Variants in CLPB observed in about 807,000 individuals in gnomAD.
CLPB encodes the protein mitochondrial disaggregase.
Under a neutral mutation model 78.4 loss-of-function variants are expected in CLPB, and 40 were observed. That is an observed-to-expected ratio of 0.51 (90% confidence interval 0.40 to 0.66). CLPB has a LOEUF of 0.66. CLPB is among the 30% of genes least tolerant of loss of function. The pLI is 0.00. For synonymous variants in CLPB, 333 were observed against 348.0 expected, an observed-to-expected ratio of 0.96 and a Z score of 0.48; for missense variants, 780 against 886.9, an observed-to-expected ratio of 0.88 and a Z score of 1.53.
chr11:72,381,190 C>T (rs971195296), intron 3 of CLPB, among the ~76,000 whole-genome samples: 9 of 152,182 alleles, frequency 5.9e-5, no homozygotes, highest in African/African-American at 9.7e-5. Context: ...CACCCCTCCC[C>T]GAACTCCAGG....
chr11:72,388,250 CTTT>C (rs60096746), intron 3 of CLPB, among the ~76,000 whole-genome samples: 8 of 138,058 alleles, frequency 5.8e-5, no homozygotes, highest in African/African-American at 5.5e-5. Flanking sequence ...TTCCCTTCCC[CTTT>C]TTTTTTTTTT....
intron 5 of CLPB, among the ~76,000 whole-genome samples, chr11:72,337,983 C>T (rs776827418): frequency 3.9e-5 from 6 of 152,200 alleles, no homozygotes; most frequent in Non-Finnish European, 7.3e-5. Context: ...CCCCAGTGGA[C>T]ATGCTCTGAT....
intron 3 of CLPB, 128 bp from the exon 4 acceptor site, chr11:72,380,512 A>C: frequency 1.4e-6 from 1 of 706,782 alleles, no homozygotes; most frequent in Non-Finnish European, 2.5e-6. Context: ...TGGGAAAAAA[A>C]CCATGAACTT....
At chr11:72,361,560 C>A (rs529829985) in intron 4 of CLPB, among the ~76,000 whole-genome samples, 3 of 152,204 alleles carry the variant, frequency 2.0e-5, no homozygotes, top group South Asian at 2.1e-4. Context: ...ACTGGCCAGG[C>A]AGGCAGGGAA....
rs1398603743 is a variant in CLPB, at chr11:72,286,759, C to T, written c.*6608G>A. The T allele has an allele frequency of 1.3e-5, 2 of 152,096 alleles. No homozygotes were observed. The highest frequency in any genetic ancestry group is 2.9e-5 in the Non-Finnish European group (2 of 68,134). 9.4% of individuals were successfully genotyped at this position (152,096 alleles called of 1,614,324 possible). A position where few individuals can be genotyped will look rare whatever the true frequency, so the allele number is the denominator to read the frequency against. On this transcript the variant is annotated 3_prime_UTR_variant, in exon 16 of 16. Transcript: ENST00000538039. Reference sequence around the variant, plus strand: ...AAGTGTTGGAATTACAGGTGTGAGCCACCATGCCTTGCCAACACCTTACTT... The same window carrying T: ...AAGTGTTGGAATTACAGGTGTGAGCTACCATGCCTTGCCAACACCTTACTT...
chr11:72,422,138 G>A (rs893312623), intron 2 of CLPB, among the ~76,000 whole-genome samples: 1 of 151,942 alleles, frequency 6.6e-6, no homozygotes, highest in Non-Finnish European at 1.5e-5. Flanking sequence ...GTGGTGGCGG[G>A]CGCCTGTAGT....
chr11:72,403,094 A>G, intron 2 of CLPB, 42 bp from the exon 3 acceptor site: 2 of 1,560,628 alleles, frequency 1.3e-6, no homozygotes, highest in Admixed American at 1.7e-5. Flanking sequence ...ATGGCTTGAC[A>G]TCTGCACCTT....
intron 1 of CLPB, among the ~76,000 whole-genome samples, chr11:72,432,265 A>C (rs780231391): frequency 1.9e-4 from 29 of 152,202 alleles, no homozygotes; most frequent in Non-Finnish European, 3.8e-4. Context: ...CTGAGCACCT[A>C]CTAAGTTCCA....
rs541111169 is a variant in CLPB at position 72,340,556 on chromosome 11, T to C, written c.776-10752A>G. Among the ~76,000 whole-genome samples, 47 of 152,328 alleles carry C rather than the reference T, an allele frequency of 3.1e-4. No individual in the cohort carries two copies. The South Asian group carries it at 9.3e-3, about 30-fold the overall frequency. ...AAGCTACAGACATTCAGCCAGTCCC[T>C]CTTACGCCTGAAGGCAAGTTCAATG... On this transcript the variant is annotated intron_variant, in intron 5 of 15. Transcript: ENST00000538039.
chr11:72,329,581 A>T, intron 6 of CLPB, 126 bp downstream of exon 6: 1 of 613,798 alleles, frequency 1.6e-6, no homozygotes, highest in Non-Finnish European at 2.9e-6. Context: ...TAATATCTGT[A>T]TTTAAACAGA....
chr11:72,387,568 CT>C (rs995182481), intron 3 of CLPB, among the ~76,000 whole-genome samples: 1 of 152,050 alleles, frequency 6.6e-6, no homozygotes, highest in African/African-American at 2.4e-5. Flanking sequence ...GACTACACCT[CT>C]GGGCCTTCAT....
intron 5 of CLPB, among the ~76,000 whole-genome samples, chr11:72,333,780 T>C (rs1342584883): frequency 6.6e-6 from 1 of 152,164 alleles, no homozygotes; most frequent in Non-Finnish European, 1.5e-5. Flanking sequence ...AGTTGCTTTC[T>C]CTGGCGCTCA....
chr11:72,366,293 CA>C (rs1291254860), intron 4 of CLPB, among the ~76,000 whole-genome samples: 1 of 152,176 alleles, frequency 6.6e-6, no homozygotes, highest in African/African-American at 2.4e-5. Context: ...TGGCTCACTG[CA>C]ACTTCCGCCT....
chr11:72,354,629 C>G (rs1950674820), intron 5 of CLPB: 5 of 328,714 alleles, frequency 1.5e-5, no homozygotes, highest in Non-Finnish European at 2.7e-5. Context: ...CACCTGCATT[C>G]AAGTGCTGAA....
chr11:72,303,697 C>T lies in CLPB; in HGVS notation c.1123-1349G>A, dbSNP rs1949699200. On this transcript the variant is annotated intron_variant, in intron 9 of 15. Transcript: ENST00000538039. ...ATGGGGCATAAGCCAGAAAGCATTT[C>T]CAGAGGGTCCCTAGGCTGCTCAGTC... Among the ~76,000 whole-genome samples, 6 of 152,308 alleles carry T rather than the reference C, an allele frequency of 3.9e-5. No individual in the cohort carries two copies. The South Asian group carries it at 8.3e-4, about 21-fold the overall frequency.
chr11:72,430,645 G>A (rs1444101963), intron 1 of CLPB, among the ~76,000 whole-genome samples: 2 of 152,150 alleles, frequency 1.3e-5, no homozygotes, highest in Non-Finnish European at 2.9e-5. Context: ...CTTGCCTATG[G>A]TAAATAATGT....
At chr11:72,360,562 G>A (rs1359785815) in intron 4 of CLPB, among the ~76,000 whole-genome samples, 9 of 151,770 alleles carry the variant, frequency 5.9e-5, no homozygotes, top group Non-Finnish European at 1.2e-4. Context: ...TTAGCCTCCC[G>A]AGTAGCTGGG....
At chr11:72,342,343 A>G (rs1361204876) in intron 5 of CLPB, among the ~76,000 whole-genome samples, 1 of 151,896 alleles carries the variant, frequency 6.6e-6, no homozygotes, top group Non-Finnish European at 1.5e-5. Context: ...AAAAGCAAAA[A>G]CTCCTGCCAA....
chr11:72,288,585 AT>A lies in CLPB; in HGVS notation c.*4781del, dbSNP rs1359639984. ...ACAGCAACATGGGACAAATAAAAAT[AT>A]GCTGAGCAAACAAACAATACTTTTC... On this transcript the variant is annotated 3_prime_UTR_variant, in exon 16 of 16. Transcript: ENST00000538039. 6.6e-6 allele frequency: 1 copy of A among 152,260 alleles called. No individual in the cohort carries two copies. Among genetic ancestry groups the A allele is most frequent in the Non-Finnish European group, 1.5e-5 (1 of 68,056 alleles). 9.4% of individuals were successfully genotyped at this position (152,260 alleles called of 1,614,324 possible).
Sources: allele counts gnomAD v4.1 joint callset (sites outside exome capture counted in the v4.1 genomes callset), GRCh38; gene constraint gnomAD v4.1.1; transcripts MANE v1.5; gene names NCBI Gene and HGNC (gene_info 2026-07-23, HGNC 2026-07-21).